CLIC4: variants seen among roughly 807,000 people sequenced by gnomAD.
The protein encoded by CLIC4 is chloride intracellular channel protein 4.
CLIC4 carries 13 observed loss-of-function variants against 24.6 expected under a neutral mutation model. The observed-to-expected ratio is 0.53, with a 90% CI of 0.34 to 0.84. The LOEUF is 0.84. Ranked by LOEUF, CLIC4 falls within the 40% of genes least tolerant of loss-of-function variation. CLIC4 has a pLI of 0.01. For missense variants in CLIC4, 227 were observed against 301.7 expected (o/e 0.75, Z 1.83); for synonymous variants, 104 against 111.3 (o/e 0.93, Z 0.41).
chr1:24,830,249 C>CT (rs996309151), intron 4 of CLIC4, among the ~76,000 whole-genome samples: 2 of 152,034 alleles, frequency 1.3e-5, no homozygotes, highest in African/African-American at 4.8e-5. Context: ...ATTTAGTGTT[C>CT]TTTTTTCTAT....
At chr1:24,790,547 A>G (rs1014067741) in intron 1 of CLIC4, among the ~76,000 whole-genome samples, 3 of 152,232 alleles carry the variant, frequency 2.0e-5, no homozygotes, top group Non-Finnish European at 4.4e-5. Context: ...TAAACAAGCC[A>G]GCAACCATGG....
intron 1 of CLIC4, among the ~76,000 whole-genome samples, chr1:24,756,703 G>T (rs767556540): frequency 6.6e-5 from 10 of 152,066 alleles, no homozygotes; most frequent in Non-Finnish European, 1.2e-4. Context: ...CAAACAATCA[G>T]ATGAAAGCTG....
At chr1:24,816,080 C>T (rs1320503787) in intron 3 of CLIC4, among the ~76,000 whole-genome samples, 4 of 152,128 alleles carry the variant, frequency 2.6e-5, no homozygotes, top group African/African-American at 9.7e-5. Context: ...AGTTCTAATT[C>T]TAGTTCTCTT....
chr1:24,814,738 A>G lies in CLIC4; in HGVS notation c.308+519A>G, dbSNP rs575123204. Among the ~76,000 whole-genome samples, 25 of 152,366 alleles carry G rather than the reference A, an allele frequency of 1.6e-4. No individual in the cohort carries two copies. In the South Asian group the frequency reaches 5.0e-3, roughly 30 times the overall value. On this transcript the variant is annotated intron_variant, in intron 3 of 5. Transcript: ENST00000374379. The stretch of plus-strand genomic sequence containing the variant: ...CTTCTTTGAGGTGTTCCAGATCTCT[A>G]GGTCCTGGATGTACTGTAATGATAG...
In CLIC4 at chr1:24,778,986, A is replaced by G. The variant is rs138026548; in HGVS notation, c.73-18756A>G. Among the ~76,000 whole-genome samples, 786 of 152,352 alleles carry G rather than the reference A, an allele frequency of 5.2e-3. 3 individuals carry two copies. The highest frequency in any genetic ancestry group is 7.7e-3 in the Non-Finnish European group (524 of 68,032). On this transcript the variant is annotated intron_variant, in intron 1 of 5. Transcript: ENST00000374379. ...TTCATCTAGTAGTTTTTGAATGACTACTTTGCATTTAGCATTTATTCAAAA... is the reference window on the plus strand; with the variant it reads ...TTCATCTAGTAGTTTTTGAATGACTGCTTTGCATTTAGCATTTATTCAAAA...
intron 1 of CLIC4, among the ~76,000 whole-genome samples, chr1:24,766,222 C>G (rs1199651712): frequency 6.6e-6 from 1 of 151,908 alleles, no homozygotes; most frequent in Non-Finnish European, 1.5e-5. Context: ...CCAGGATGGT[C>G]TCAATCTCTT....
chr1:24,786,183 C>T (rs909834866), intron 1 of CLIC4, among the ~76,000 whole-genome samples: 10 of 152,200 alleles, frequency 6.6e-5, no homozygotes, highest in Non-Finnish European at 1.0e-4. Context: ...ATCACCACCC[C>T]TTACCCTCAG....
intron 2 of CLIC4, among the ~76,000 whole-genome samples, chr1:24,812,254 C>A (rs1639621885): frequency 6.6e-6 from 1 of 152,020 alleles, no homozygotes; most frequent in African/African-American, 2.4e-5. Context: ...GCTTTTTACC[C>A]TTCATTATGC....
rs946691921 is a variant in CLIC4, at chr1:24,840,046, G to C, written c.597+5G>C. 6.2e-7 allele frequency: 1 copy of C among 1,612,492 alleles called. No homozygotes were observed. Among genetic ancestry groups the C allele is most frequent in the Non-Finnish European group, 8.5e-7 (1 of 1,178,986 alleles). On this transcript the variant is annotated splice_donor_5th_base_variant and intron_variant, in intron 5 of 5. Transcript: ENST00000374379. ...CCCAAACTGCATATTGTCAAGGTAG[G>C]TCTGTAGGGGTTGATGTCGCATTGC...
At chr1:24,802,711 CTTTTTTTTT>C (rs535381018) in intron 2 of CLIC4, among the ~76,000 whole-genome samples, 1 of 136,940 alleles carries the variant, frequency 7.3e-6, no homozygotes, top group Admixed American at 7.3e-5. Context: ...TTTTCTTTTT[CTTTTTTTTT>C]TTTTTTTGAG....
intron 1 of CLIC4, among the ~76,000 whole-genome samples, chr1:24,785,793 A>G (rs1639258906): frequency 6.9e-6 from 1 of 144,976 alleles, no homozygotes; most frequent in Admixed American, 7.3e-5. Flanking sequence ...CAGAGGTTGC[A>G]CTGAGCTGCT....
intron 3 of CLIC4, among the ~76,000 whole-genome samples, chr1:24,826,411 C>T (rs879491138): frequency 1.5e-4 from 23 of 152,256 alleles, no homozygotes; most frequent in Non-Finnish European, 2.4e-4. Context: ...CTTTTCCTGC[C>T]GTTGGGGTTC....
chr1:24,810,732 C>A (rs1639604431), intron 2 of CLIC4, among the ~76,000 whole-genome samples: 1 of 151,120 alleles, frequency 6.6e-6, no homozygotes, highest in Non-Finnish European at 1.5e-5. Flanking sequence ...ATGATTGTGA[C>A]ACTGCACTCC....
chr1:24,766,545 C>T (rs1271660260), intron 1 of CLIC4, among the ~76,000 whole-genome samples: 1 of 108,800 alleles, frequency 9.2e-6, no homozygotes, highest in African/African-American at 3.6e-5. Flanking sequence ...ACTCTGTCAC[C>T]CAGGCTGGAG....
chr1:24,755,558 A>G (rs945200983), intron 1 of CLIC4, among the ~76,000 whole-genome samples: 6 of 151,910 alleles, frequency 3.9e-5, no homozygotes, highest in Admixed American at 6.6e-5. Flanking sequence ...GCAATGAGCT[A>G]TGATTGTGCC....
At chr1:24,820,737 A>G (rs1016749452) in intron 3 of CLIC4, among the ~76,000 whole-genome samples, 1 of 152,174 alleles carries the variant, frequency 6.6e-6, no homozygotes, top group Non-Finnish European at 1.5e-5. Context: ...GAAGGAAACT[A>G]TTTTGTTTTA....
At chr1:24,814,469 G>C (rs1639649032) in intron 3 of CLIC4, among the ~76,000 whole-genome samples, 1 of 152,182 alleles carries the variant, frequency 6.6e-6, no homozygotes, top group African/African-American at 2.4e-5. Flanking sequence ...TGTCTGATAG[G>C]TCAGGAAAGA....
At chr1:24,837,567 A>C (rs1016934102) in intron 4 of CLIC4, among the ~76,000 whole-genome samples, 1 of 152,206 alleles carries the variant, frequency 6.6e-6, no homozygotes, top group Non-Finnish European at 1.5e-5. Flanking sequence ...TGATACCAGA[A>C]CCATACAAGA....
At chr1:24,823,915 TAA>T (rs1244750194) in intron 3 of CLIC4, among the ~76,000 whole-genome samples, 2 of 152,176 alleles carry the variant, frequency 1.3e-5, no homozygotes, top group Non-Finnish European at 2.9e-5. Context: ...TCTAAAATGT[TAA>T]GAGTCTGTGA....
Sources: allele counts gnomAD v4.1 joint callset (sites outside exome capture counted in the v4.1 genomes callset), GRCh38; gene constraint gnomAD v4.1.1; transcripts MANE v1.5; gene names NCBI Gene and HGNC (gene_info 2026-07-23, HGNC 2026-07-21).